The following UNC13C variants were observed in gnomAD, a reference collection of about 807,000 sequenced individuals.
UNC13C encodes the protein protein unc-13 homolog C.
A neutral mutation model predicts 245.4 loss-of-function variants in UNC13C; 174 were observed. That is an observed-to-expected ratio of 0.71 (90% CI 0.63 to 0.80). The LOEUF is 0.80. Among genes scored for constraint, UNC13C ranks in the 30% least tolerant of loss-of-function variants. The pLI, the probability that UNC13C is intolerant of heterozygous loss-of-function variation, is 0.00. For synonymous variants in UNC13C, 992 were observed against 895.1 expected (o/e 1.11, Z -1.93); for missense variants, 2,829 against 2,602.9 (o/e 1.09, Z -1.89).
At chr15:54,033,061 C>T (rs1015281467) in intron 2 of UNC13C, among the ~76,000 whole-genome samples, 2 of 151,816 alleles carry the variant, frequency 1.3e-5, no homozygotes, top group African/African-American at 4.8e-5. Flanking sequence ...ATGGGGGCAC[C>T]AAAATCTCAA....
Position 54,475,747 on chromosome 15 carries a change from T to A in UNC13C, c.4934-18861T>A, listed in dbSNP as rs71397589. Among the ~76,000 whole-genome samples, 5 of 116,514 alleles carry A rather than the reference T, an allele frequency of 4.3e-5. 1 individual carries two copies. In the South Asian group the frequency reaches 1.6e-3, roughly 37 times the overall value. The allele number at this position is 116,514 out of a possible 152,430, so 76.4% of individuals were successfully genotyped here. ...GTTGGTTCCAAGTCTTTGCTATTGT[T>A]AATAGTGCTGCAATAAACATACGTG... On this transcript the variant is annotated intron_variant, in intron 19 of 32. Coordinates refer to ENST00000260323, the MANE Select transcript of UNC13C (RefSeq NM_001080534.3).
intron 4 of UNC13C, among the ~76,000 whole-genome samples, chr15:54,216,371 A>G (rs1326050801): frequency 6.6e-6 from 1 of 152,020 alleles, no homozygotes; most frequent in African/African-American, 2.4e-5. Context: ...TCTTTGTGAA[A>G]TTGATGGTAA....
At chr15:54,186,354 C>A (rs376844680) in intron 4 of UNC13C, among the ~76,000 whole-genome samples, 10 of 152,154 alleles carry the variant, frequency 6.6e-5, no homozygotes, top group African/African-American at 1.9e-4. Flanking sequence ...TGCCAGTTTT[C>A]AAAGGGAATG....
At chr15:53,905,200 A>G in the UNC13C span, among the ~76,000 whole-genome samples, 1 of 152,120 alleles carries the variant, frequency 6.6e-6, no homozygotes, top group Non-Finnish European at 1.5e-5. Context: ...CAATCCCACT[A>G]CAGGTATAGT....
At chr15:54,270,055 T>C (rs534617698) in intron 10 of UNC13C, among the ~76,000 whole-genome samples, 42 of 152,336 alleles carry the variant, frequency 2.8e-4, no homozygotes, top group Non-Finnish European at 2.6e-4. Context: ...CTTTCTGTCA[T>C]CAGTTTCCTG....
rs568952363 is a variant in UNC13C, at chr15:54,444,242, C to T, written c.4933+29175C>T. ...CCTGCTCAATTTCGGTTGTTGTTGA[C>T]GTGGAATATCATTTTTCATTCCCTT... On this transcript the variant is annotated intron_variant, in intron 19 of 32. Transcript: ENST00000260323. 1.6e-4 allele frequency among the ~76,000 whole-genome samples: 24 copies of T among 151,180 alleles called. No individual in the cohort carries two copies. The East Asian group carries it at 2.7e-3, about 17-fold the overall frequency.
chr15:54,291,918 C>T (rs963745307), intron 10 of UNC13C, among the ~76,000 whole-genome samples: 1 of 151,848 alleles, frequency 6.6e-6, no homozygotes, highest in Non-Finnish European at 1.5e-5. Flanking sequence ...TGTATTTTAA[C>T]GTGTAAGGGC....
intron 2 of UNC13C, among the ~76,000 whole-genome samples, chr15:54,041,171 A>G (rs561939469): frequency 1.5e-4 from 23 of 152,326 alleles, no homozygotes; most frequent in Non-Finnish European, 2.6e-4. Context: ...AAAATATAAG[A>G]TGGTAGTATA....
intron 19 of UNC13C, among the ~76,000 whole-genome samples, chr15:54,474,614 T>A (rs1165694319): frequency 6.6e-6 from 1 of 152,044 alleles, no homozygotes; most frequent in Non-Finnish European, 1.5e-5. Context: ...AGTTTGCAAA[T>A]GTTTTCTCCC....
chr15:54,622,526 T>G, intron 31 of UNC13C, 107 bp downstream of exon 31: 1 of 806,136 alleles, frequency 1.2e-6, no homozygotes. Context: ...CACAATTATT[T>G]TAGGGCATGC....
chr15:54,229,640 A>C (rs1247358745), intron 4 of UNC13C, among the ~76,000 whole-genome samples: 1 of 152,174 alleles, frequency 6.6e-6, no homozygotes, highest in Non-Finnish European at 1.5e-5. Flanking sequence ...GAGTACACTT[A>C]ACATCCACTC....
chr15:54,101,015 G>T (rs183093553), intron 2 of UNC13C, among the ~76,000 whole-genome samples: 1 of 152,200 alleles, frequency 6.6e-6, no homozygotes, highest in African/African-American at 2.4e-5. Context: ...CTGTTGTTAA[G>T]CCCATTTCAA....
chr15:53,912,149 T>A, the UNC13C span: 1 of 152,242 alleles, frequency 6.6e-6, no homozygotes, highest in African/African-American at 2.4e-5. Context: ...CCCAATGGAA[T>A]GCTGTTGGCT....
At chr15:54,534,216 A>G (rs931059998) in intron 26 of UNC13C, among the ~76,000 whole-genome samples, 29 of 152,244 alleles carry the variant, frequency 1.9e-4, no homozygotes, top group African/African-American at 5.1e-4. Context: ...CCTCCAGTGC[A>G]GCAGGTGCTT....
the UNC13C span, among the ~76,000 whole-genome samples, chr15:53,971,994 GA>G: frequency 6.6e-6 from 1 of 152,166 alleles, no homozygotes; most frequent in Non-Finnish European, 1.5e-5. Flanking sequence ...ATACCAGTTA[GA>G]ATTATTTTTA....
At chr15:54,507,770 G>C (rs1310659449) in intron 23 of UNC13C, among the ~76,000 whole-genome samples, 1 of 151,766 alleles carries the variant, frequency 6.6e-6, no homozygotes, top group African/African-American at 2.4e-5. Context: ...TATGATGGAA[G>C]GTGAAAGCTT....
chr15:54,098,819 C>A (rs916606759), intron 2 of UNC13C, among the ~76,000 whole-genome samples: 21 of 152,250 alleles, frequency 1.4e-4, no homozygotes, highest in East Asian at 5.8e-4. Flanking sequence ...TCTTTCTAAT[C>A]GAGATTTCCA....
the UNC13C span, among the ~76,000 whole-genome samples, chr15:53,852,717 G>A: frequency 2.9e-4 from 44 of 152,090 alleles, no homozygotes; most frequent in South Asian, 4.2e-4. Context: ...TGTCTCTGCC[G>A]TCATAGCCCT....
intron 17 of UNC13C, among the ~76,000 whole-genome samples, chr15:54,358,788 A>G (rs979211182): frequency 3.9e-5 from 6 of 152,028 alleles, no homozygotes; most frequent in Non-Finnish European, 7.4e-5. Flanking sequence ...CTCCTATCCA[A>G]TTTGGATGCC....
Sources: gnomAD v4.1 joint callset for allele counts (sites outside exome capture counted in the v4.1 genomes callset) on GRCh38, gnomAD v4.1.1 for gene constraint, MANE v1.5 for transcripts, NCBI Gene and HGNC (gene_info 2026-07-23, HGNC 2026-07-21) for gene names.